The following DMD variants were observed in gnomAD, a reference collection of about 807,000 sequenced individuals.
DMD encodes the protein dystrophin, also known as mutant dystrophin.
Under a neutral mutation model 330.1 loss-of-function variants are expected in DMD, and 63 were observed. The observed-to-expected ratio is 0.19, with a 90% CI of 0.16 to 0.24. The LOEUF is 0.24. DMD is among the 10% of genes least tolerant of loss of function. The pLI, the probability that DMD is intolerant of heterozygous loss-of-function variation, is 1.00. For synonymous variants in DMD, 1,223 were observed against 959.8 expected, an observed-to-expected ratio of 1.27 and a Z score of -5.07; for missense variants, 3,344 against 2,684.1, an observed-to-expected ratio of 1.25 and a Z score of -5.43.
At chrX:32,090,252 G>C (rs191466462) in intron 44 of DMD, among the ~76,000 whole-genome samples, 56 of 111,865 alleles carry the variant, frequency 5.0e-4, no homozygotes, top group African/African-American at 1.8e-3. Flanking sequence ...GAAAGCTCTA[G>C]AAGTCCATTA....
chrX:31,685,337 C>T (rs998829745), intron 52 of DMD, among the ~76,000 whole-genome samples: 1 of 111,627 alleles, frequency 9.0e-6, no homozygotes, highest in African/African-American at 3.3e-5. Context: ...AGGGTGGCCA[C>T]GCCTGGTTAC....
At chrX:32,038,491 T>C (rs1282356089) in intron 44 of DMD, among the ~76,000 whole-genome samples, 4 of 111,242 alleles carry the variant, frequency 3.6e-5, no homozygotes, top group Non-Finnish European at 7.6e-5. Flanking sequence ...ACAGTATAGC[T>C]GGGGTGAAGA....
At chrX:31,908,682 G>A (rs1211053127) in intron 47 of DMD, among the ~76,000 whole-genome samples, 1 of 110,262 alleles carries the variant, frequency 9.1e-6, no homozygotes, top group Non-Finnish European at 1.9e-5. Context: ...AAACCTGCAC[G>A]TTGTGCACAT....
At chrX:31,806,110 T>A (rs1042129195) in intron 50 of DMD, among the ~76,000 whole-genome samples, 1 of 112,174 alleles carries the variant, frequency 8.9e-6, no homozygotes, top group Non-Finnish European at 1.9e-5. Flanking sequence ...ACAGAAAAAA[T>A]TGGCAAAACT....
At chrX:31,510,730 C>T (rs1046722654) in intron 55 of DMD, among the ~76,000 whole-genome samples, 16 of 109,854 alleles carry the variant, frequency 1.5e-4, no homozygotes, top group Non-Finnish European at 2.3e-4. Flanking sequence ...AGGATGGTCT[C>T]GATCTCCTGA....
At chrX:32,950,029 A>G (rs2091147876) in intron 2 of DMD, among the ~76,000 whole-genome samples, 1 of 73,376 alleles carries the variant, frequency 1.4e-5, no homozygotes, top group African/African-American at 6.2e-5. Flanking sequence ...TATTGCTAGT[A>G]GAACGGTGGT....
At chrX:31,992,432 A>G (rs2095557068) in intron 44 of DMD, among the ~76,000 whole-genome samples, 1 of 111,866 alleles carries the variant, frequency 8.9e-6, no homozygotes, top group Admixed American at 9.5e-5. Context: ...TGAAAGGACT[A>G]TGAAAGCACT....
intron 30 of DMD, among the ~76,000 whole-genome samples, chrX:32,408,909 T>A (rs7062922): frequency 1.0e-5 from 1 of 100,385 alleles, no homozygotes; most frequent in Admixed American, 1.1e-4. Flanking sequence ...TCTATCTATC[T>A]ATCCATCCAT....
chrX:32,649,884 C>T (rs2060031398), intron 9 of DMD, among the ~76,000 whole-genome samples: 1 of 111,236 alleles, frequency 9.0e-6, no homozygotes, highest in Non-Finnish European at 1.9e-5. Flanking sequence ...TAAAAATATA[C>T]GTACGTAAGG....
intron 2 of DMD, among the ~76,000 whole-genome samples, chrX:32,867,162 G>C (rs1271984256): frequency 1.3e-5 from 1 of 74,933 alleles, no homozygotes; most frequent in Non-Finnish European, 2.4e-5. Context: ...CGTTCAATTG[G>C]AGAAGTTAAA....
chrX:32,466,618 G>A (rs2040053091), intron 23 of DMD, among the ~76,000 whole-genome samples: 1 of 111,134 alleles, frequency 9.0e-6, no homozygotes, highest in Non-Finnish European at 1.9e-5. Context: ...TAATTAAAAG[G>A]AAGTCAACAC....
chrX:31,477,304 C>G (rs1166087575), intron 59 of DMD, among the ~76,000 whole-genome samples: 4 of 111,459 alleles, frequency 3.6e-5, no homozygotes, highest in African/African-American at 1.3e-4. Flanking sequence ...ATGGATGGAA[C>G]AGTTCCATGA....
At chrX:31,911,011 T>A (rs1745419220) in intron 47 of DMD, among the ~76,000 whole-genome samples, 1 of 112,063 alleles carries the variant, frequency 8.9e-6, no homozygotes, top group South Asian at 3.7e-4. Context: ...TAGGATTTTG[T>A]GACTACATGG....
chrX:32,812,957 T>A (rs1329072883), intron 6 of DMD, among the ~76,000 whole-genome samples: 1 of 111,576 alleles, frequency 9.0e-6, no homozygotes, highest in Admixed American at 9.6e-5. Flanking sequence ...TATGAGAAAC[T>A]AGTTTTCTCA....
chrX:32,702,204 T>C (rs1189610210), intron 7 of DMD, among the ~76,000 whole-genome samples: 1 of 112,381 alleles, frequency 8.9e-6, no homozygotes, highest in Admixed American at 9.5e-5. Flanking sequence ...AGTAATTGCA[T>C]TGCTGAACAG....
intron 60 of DMD, among the ~76,000 whole-genome samples, chrX:31,406,030 A>C (rs758687997): frequency 1.3e-4 from 15 of 112,316 alleles, no homozygotes; most frequent in African/African-American, 4.8e-4. Flanking sequence ...CAACTTAACA[A>C]AAGATGGGCA....
chrX:32,722,619 T>A (rs1424897556), intron 7 of DMD, among the ~76,000 whole-genome samples: 1 of 111,302 alleles, frequency 9.0e-6, no homozygotes, highest in African/African-American at 3.3e-5. Context: ...ATTTACCTTT[T>A]AATTTGTTCC....
intron 7 of DMD, among the ~76,000 whole-genome samples, chrX:32,785,435 A>G (rs978549683): frequency 9.0e-6 from 1 of 111,685 alleles, no homozygotes; most frequent in African/African-American, 3.2e-5. Flanking sequence ...ATTTCTTTCA[A>G]TAAGAACATT....
At chrX:31,915,068 G>A (rs960993556) in intron 47 of DMD, among the ~76,000 whole-genome samples, 5 of 112,283 alleles carry the variant, frequency 4.5e-5, no homozygotes, top group African/African-American at 1.6e-4. Flanking sequence ...ATTGGTTGTG[G>A]TAGGAGCAGA....
Sources: gnomAD v4.1 joint callset for allele counts (sites outside exome capture counted in the v4.1 genomes callset) on GRCh38, gnomAD v4.1.1 for gene constraint, MANE v1.5 for transcripts, NCBI Gene and HGNC (gene_info 2026-07-23, HGNC 2026-07-21) for gene names.